The following ANKS1B variants were observed in gnomAD, a reference collection of about 807,000 sequenced individuals.
The protein encoded by ANKS1B is ankyrin repeat and sterile alpha motif domain-containing protein 1B.
Under a neutral mutation model 148.3 loss-of-function variants are expected in ANKS1B, and 36 were observed. The ratio of observed to expected loss-of-function variants is 0.24; its 90% CI spans 0.19 to 0.32. ANKS1B has a LOEUF of 0.32. Among genes scored for constraint, ANKS1B ranks in the 10% least tolerant of loss-of-function variants. The pLI is 1.00. For synonymous variants in ANKS1B, 542 were observed against 560.8 expected (o/e 0.97, Z 0.47); for missense variants, 1,157 against 1,542.6 (o/e 0.75, Z 4.19).
In ANKS1B at chr12:99,479,264, T is replaced by G. The variant is rs185239102; in HGVS notation, c.1438+25212A>C. Among the ~76,000 whole-genome samples, 7 of 152,208 alleles carry G rather than the reference T, an allele frequency of 4.6e-5. No homozygotes were observed. In the East Asian group the frequency reaches 1.2e-3, roughly 25 times the overall value. On this transcript the variant is annotated intron_variant, in intron 10 of 26. Coordinates refer to ENST00000683438, the MANE Select transcript of ANKS1B (RefSeq NM_001352186.2). ...GACCTATGTTGATAAAACTGGTTCATTACTTTTAAAAGAATTAAGTTGACT... is the reference window on the plus strand; with the variant it reads ...GACCTATGTTGATAAAACTGGTTCAGTACTTTTAAAAGAATTAAGTTGACT...
chr12:99,346,343 G>A (rs1447938085), intron 12 of ANKS1B, among the ~76,000 whole-genome samples: 3 of 150,818 alleles, frequency 2.0e-5, no homozygotes, highest in African/African-American at 7.3e-5. Context: ...CTCCCTAAAT[G>A]CATGTATACA....
rs560047239 is a variant in ANKS1B, at chr12:98,785,682, T to C, written c.3343-3545A>G. On this transcript the variant is annotated intron_variant, in intron 22 of 26. Transcript: ENST00000683438. ...TTTCTCTTCGGTGTTATGATCATCA[T>C]TCTTTTCTCCTTCCCAGGGACGAAG... is the stretch of plus-strand genomic sequence containing the variant. Among the ~76,000 whole-genome samples, 5 of 152,254 alleles carry C rather than the reference T, an allele frequency of 3.3e-5. No individual in the cohort carries two copies. In the South Asian group the frequency reaches 1.0e-3, roughly 32 times the overall value.
At chr12:99,179,162 C>T (rs1476395319) in intron 14 of ANKS1B, among the ~76,000 whole-genome samples, 1 of 152,116 alleles carries the variant, frequency 6.6e-6, no homozygotes, top group African/African-American at 2.4e-5. Context: ...GGCGCGGTGG[C>T]TCATGCCTAT....
At chr12:99,253,313 T>C (rs915062545) in intron 12 of ANKS1B, among the ~76,000 whole-genome samples, 33 of 151,964 alleles carry the variant, frequency 2.2e-4, no homozygotes, top group African/African-American at 7.5e-4. Context: ...AAGCACAGTG[T>C]TCAGATGTGA....
chr12:99,213,961 C>A (rs757504797), intron 14 of ANKS1B, among the ~76,000 whole-genome samples: 7 of 152,144 alleles, frequency 4.6e-5, no homozygotes, highest in Non-Finnish European at 7.4e-5. Flanking sequence ...GTTGGTGGCA[C>A]AGAGGACAAT....
At chr12:99,654,475 G>A (rs934327530) in intron 9 of ANKS1B, among the ~76,000 whole-genome samples, 5 of 152,112 alleles carry the variant, frequency 3.3e-5, no homozygotes, top group Non-Finnish European at 7.4e-5. Context: ...AGTCATTTCT[G>A]AAACTCCTCT....
rs71081896 is a variant in ANKS1B at position 99,098,619 on chromosome 12, CTTTTTTTTTTTTTTTTTTTTTTT to C, written c.2527-13619_2527-13597del. Among the ~76,000 whole-genome samples, 32 of 32,122 alleles carry C rather than the reference CTTTTTTTTTTTTTTTTTTTTTTT, an allele frequency of 1.0e-3. 1 individual carries two copies. The highest frequency in any genetic ancestry group is 0.036 in the Middle Eastern group (1 of 28). 21.1% of individuals were successfully genotyped at this position (32,122 alleles called of 152,430 possible). On this transcript the variant is annotated intron_variant, in intron 15 of 26. Coordinates refer to ENST00000683438, the MANE Select transcript of ANKS1B (RefSeq NM_001352186.2). ...AATAAAGCATGCCTGCTAGGAACTA[CTTTTTTTTTTTTTTTTTTTTTTT>C]TTTTTTTTTTTTTTTTTTAGAACAT...
chr12:99,031,034 CTTCT>C (rs2099951783), intron 17 of ANKS1B, among the ~76,000 whole-genome samples: 1 of 152,200 alleles, frequency 6.6e-6, no homozygotes, highest in Non-Finnish European at 1.5e-5. Context: ...TGAACTATTC[CTTCT>C]TTATTTTCCA....
chr12:99,221,331 C>T (rs1195643370), intron 14 of ANKS1B, among the ~76,000 whole-genome samples: 5 of 152,004 alleles, frequency 3.3e-5, no homozygotes, highest in Non-Finnish European at 7.3e-5. Context: ...CAGAGGAAGA[C>T]TCCATCTCAA....
In ANKS1B at chr12:99,917,213, GAGA is replaced by G. The variant is rs1279099417; in HGVS notation, c.134+66888_134+66890del. On this transcript the variant is annotated intron_variant, in intron 1 of 26. Coordinates refer to ENST00000683438, the MANE Select transcript of ANKS1B (RefSeq NM_001352186.2). ...TTCATGATCAGATACAAGGAGGTCT[GAGA>G]AGGAGGCATGTGGATGACCCTATAG... 2.0e-5 allele frequency among the ~76,000 whole-genome samples: 3 copies of G among 152,214 alleles called. No homozygotes were observed. In the East Asian group the frequency reaches 5.8e-4, roughly 29 times the overall value.
At chr12:98,939,111 CTG>C (rs1384681169) in intron 17 of ANKS1B, among the ~76,000 whole-genome samples, 10 of 152,176 alleles carry the variant, frequency 6.6e-5, no homozygotes, top group African/African-American at 2.4e-4. Flanking sequence ...AGGGTGAAAA[CTG>C]TGAGTGAGCA....
chr12:99,184,638 AT>A (rs2079569313), intron 14 of ANKS1B, among the ~76,000 whole-genome samples: 1 of 152,184 alleles, frequency 6.6e-6, no homozygotes, highest in African/African-American at 2.4e-5. Flanking sequence ...TATGTTGTTA[AT>A]TTTTGGAGTT....
intron 12 of ANKS1B, among the ~76,000 whole-genome samples, chr12:99,342,597 T>C (rs565574019): frequency 6.6e-6 from 1 of 152,162 alleles, no homozygotes; most frequent in South Asian, 2.1e-4. Flanking sequence ...AGAGGCAGTA[T>C]ATCTTTGTAT....
At chr12:99,450,505 CTG>C (rs1339294820) in intron 10 of ANKS1B, among the ~76,000 whole-genome samples, 1 of 152,158 alleles carries the variant, frequency 6.6e-6, no homozygotes, top group African/African-American at 2.4e-5. Context: ...TCCCTGCAAA[CTG>C]TAAGCCAACA....
chr12:99,714,430 G>A lies in ANKS1B; in HGVS notation c.1128+58492C>T, dbSNP rs555999155. 3.3e-4 allele frequency among the ~76,000 whole-genome samples: 50 copies of A among 152,148 alleles called. 1 individual carries two copies. The highest frequency in any genetic ancestry group is 5.9e-4 in the Non-Finnish European group (40 of 68,002). ...TTGCCTTTTTACAGATTGAAGTTTT[G>A]TCACAACCCTGCATGGAGCAAGCCT... On this transcript the variant is annotated intron_variant, in intron 8 of 26. Coordinates refer to ENST00000683438, the MANE Select transcript of ANKS1B (RefSeq NM_001352186.2).
intron 12 of ANKS1B, among the ~76,000 whole-genome samples, chr12:99,275,374 T>C (rs1336679372): frequency 6.6e-6 from 1 of 152,206 alleles, no homozygotes; most frequent in Non-Finnish European, 1.5e-5. Flanking sequence ...AACCTTCATT[T>C]TACTCTCTAT....
At chr12:99,789,724 G>A (rs981009158) in intron 4 of ANKS1B, among the ~76,000 whole-genome samples, 3 of 152,068 alleles carry the variant, frequency 2.0e-5, no homozygotes, top group Non-Finnish European at 2.9e-5. Context: ...AAAAATTAAC[G>A]AGCTTGAAGA....
At chr12:99,358,254 C>T (rs1202246911) in intron 12 of ANKS1B, among the ~76,000 whole-genome samples, 2 of 151,950 alleles carry the variant, frequency 1.3e-5, no homozygotes, top group Admixed American at 6.6e-5. Flanking sequence ...AGACATTCTC[C>T]CCCATGTAGA....
At chr12:99,716,207 T>C (rs1166808216) in intron 8 of ANKS1B, among the ~76,000 whole-genome samples, 1 of 150,488 alleles carries the variant, frequency 6.6e-6, no homozygotes, top group Non-Finnish European at 1.5e-5. Flanking sequence ...TTCCATGCCC[T>C]GACCTCTTAT....
Sources: gnomAD v4.1 joint callset for allele counts (sites outside exome capture counted in the v4.1 genomes callset) on GRCh38, gnomAD v4.1.1 for gene constraint, MANE v1.5 for transcripts, NCBI Gene and HGNC (gene_info 2026-07-23, HGNC 2026-07-21) for gene names.